SUGCT: variants seen among roughly 807,000 people sequenced by gnomAD.
SUGCT encodes the protein succinyl-CoA:glutarate-CoA transferase.
In SUGCT, 41 loss-of-function variants were observed where a neutral mutation model predicts 55.0. The ratio of observed to expected loss-of-function variants is 0.74; its 90% CI spans 0.58 to 0.97. The LOEUF (loss-of-function observed/expected upper bound fraction) is 0.97, where lower values mean the gene tolerates loss of function less well. Among genes scored for constraint, SUGCT ranks in the 50% least tolerant of loss-of-function variants. The probability of loss-of-function intolerance (pLI) is 0.00; values close to 1 mark genes in which losing one functional copy is unlikely to be tolerated. For missense variants in SUGCT, 568 were observed against 547.8 expected, an observed-to-expected ratio of 1.04 and a Z score of -0.37; for synonymous variants, 187 against 200.4, an observed-to-expected ratio of 0.93 and a Z score of 0.56.
In SUGCT at chr7:40,231,560, G is replaced by T. The variant is rs1584405142; in HGVS notation, c.485-6075G>T. Among the ~76,000 whole-genome samples, 5 of 152,252 alleles carry T rather than the reference G, an allele frequency of 3.3e-5. No individual in the cohort carries two copies. In the South Asian group the frequency reaches 1.0e-3, roughly 32 times the overall value. ...TAGCAAGCCATGTGAAGATTGGAGA[G>T]AAATACATCCTAGGTTGTGCAAAGG... On this transcript the variant is annotated intron_variant, in intron 6 of 13. Coordinates refer to ENST00000335693, the MANE Select transcript of SUGCT (RefSeq NM_001193313.2).
chr7:40,406,672 A>G (rs1786387826), intron 9 of SUGCT, among the ~76,000 whole-genome samples: 1 of 152,190 alleles, frequency 6.6e-6, no homozygotes, highest in African/African-American at 2.4e-5. Context: ...GGTTTGTTCA[A>G]TTGTGAGTTA....
chr7:40,496,918 A>G (rs561540819), intron 12 of SUGCT, among the ~76,000 whole-genome samples: 1 of 148,686 alleles, frequency 6.7e-6, no homozygotes, highest in African/African-American at 2.5e-5. Context: ...TAAATTTTAC[A>G]CAGATAGATA....
At chr7:40,905,324 T>G in the SUGCT span, among the ~76,000 whole-genome samples, 1 of 152,190 alleles carries the variant, frequency 6.6e-6, no homozygotes, top group African/African-American at 2.4e-5. Flanking sequence ...TTCTCTCTTT[T>G]GATTACAACC....
chr7:40,762,364 G>A (rs1788575488), intron 13 of SUGCT, among the ~76,000 whole-genome samples: 1 of 152,192 alleles, frequency 6.6e-6, no homozygotes. Context: ...TAGGTTTTAA[G>A]TAGCAAGATG....
chr7:40,141,360 C>T (rs986308767), intron 1 of SUGCT, among the ~76,000 whole-genome samples: 21 of 151,754 alleles, frequency 1.4e-4, no homozygotes, highest in Admixed American at 7.9e-4. Context: ...TTGGGCCAGG[C>T]GCGGTGGCTC....
intron 11 of SUGCT, among the ~76,000 whole-genome samples, chr7:40,471,003 A>G (rs915686400): frequency 2.0e-5 from 3 of 152,178 alleles, no homozygotes; most frequent in African/African-American, 7.2e-5. Flanking sequence ...AACGGAAACA[A>G]AAAAGGAACA....
chr7:40,524,518 AT>A (rs1793707424), intron 12 of SUGCT, among the ~76,000 whole-genome samples: 1 of 152,160 alleles, frequency 6.6e-6, no homozygotes, highest in South Asian at 2.1e-4. Flanking sequence ...AGAAATGTTA[AT>A]TATTTGTCTC....
intron 13 of SUGCT, among the ~76,000 whole-genome samples, chr7:40,791,268 A>G (rs551202697): frequency 1.9e-4 from 29 of 152,232 alleles, no homozygotes; most frequent in Non-Finnish European, 4.1e-4. Context: ...ATCAGATTTC[A>G]AAAGAACCAT....
At chr7:40,200,590 G>C (rs905954525) in intron 6 of SUGCT, among the ~76,000 whole-genome samples, 1 of 152,120 alleles carries the variant, frequency 6.6e-6, no homozygotes, top group Non-Finnish European at 1.5e-5. Flanking sequence ...AGAGAAAGCC[G>C]AAGTGTTTGG....
At chr7:40,278,292 A>T (rs1792675755) in intron 8 of SUGCT, among the ~76,000 whole-genome samples, 1 of 152,132 alleles carries the variant, frequency 6.6e-6, no homozygotes, top group South Asian at 2.1e-4. Flanking sequence ...GCTGGAGAGG[A>T]TGTGGAGAAA....
chr7:40,426,457 T>G (rs1787594701), intron 9 of SUGCT, among the ~76,000 whole-genome samples: 1 of 152,178 alleles, frequency 6.6e-6, no homozygotes, highest in Non-Finnish European at 1.5e-5. Context: ...TTATTCTCTA[T>G]GTCCTCAAGT....
At chr7:40,510,308 G>T (rs1339382338) in intron 12 of SUGCT, among the ~76,000 whole-genome samples, 1 of 152,036 alleles carries the variant, frequency 6.6e-6, no homozygotes, top group East Asian at 1.9e-4. Context: ...ATAGAGGAAT[G>T]AATGGTTAGC....
At chr7:40,882,223 T>A in the SUGCT span, among the ~76,000 whole-genome samples, 16 of 152,158 alleles carry the variant, frequency 1.1e-4, no homozygotes, top group Admixed American at 4.6e-4. Context: ...AACACTAAAG[T>A]TGAAGTTCTT....
At chr7:40,611,837 A>C (rs1032694131) in intron 12 of SUGCT, among the ~76,000 whole-genome samples, 1 of 152,204 alleles carries the variant, frequency 6.6e-6, no homozygotes, top group African/African-American at 2.4e-5. Flanking sequence ...AGGTTAAAGA[A>C]GTTACCCAGG....
At chr7:40,713,285 T>C (rs746613826) in intron 12 of SUGCT, among the ~76,000 whole-genome samples, 10 of 152,292 alleles carry the variant, frequency 6.6e-5, no homozygotes, top group Non-Finnish European at 1.3e-4. Flanking sequence ...CTTCTTCCAC[T>C]CAGAAAGTCC....
At chr7:40,592,791 A>G (rs1584078444) in intron 12 of SUGCT, among the ~76,000 whole-genome samples, 1 of 152,170 alleles carries the variant, frequency 6.6e-6, no homozygotes, top group Non-Finnish European at 1.5e-5. Flanking sequence ...TTGTTTCCCC[A>G]TGATCAAGGA....
At chr7:40,419,572 T>G (rs1416509003) in intron 9 of SUGCT, among the ~76,000 whole-genome samples, 1 of 152,170 alleles carries the variant, frequency 6.6e-6, no homozygotes, top group Non-Finnish European at 1.5e-5. Context: ...CTCCATATTT[T>G]CTTCTTCTTT....
At chr7:40,638,589 T>A (rs781461799) in intron 12 of SUGCT, among the ~76,000 whole-genome samples, 2 of 152,218 alleles carry the variant, frequency 1.3e-5, no homozygotes, top group Non-Finnish European at 2.9e-5. Flanking sequence ...CTGCTTAGTA[T>A]GAGGAGAAGA....
In SUGCT at chr7:40,860,388, C is replaced by A; in HGVS notation, c.1226C>A (p.Thr409Lys). The A allele has an allele frequency of 6.2e-7, 1 of 1,614,006 alleles. No homozygotes were observed. Among genetic ancestry groups the A allele is most frequent in the Non-Finnish European group, 8.5e-7 (1 of 1,179,872 alleles). Residue 409 changes from threonine to lysine, a missense_variant, in exon 14 of 14, where the codon ACG becomes AAG. Thr to Lys is a moderately conservative substitution (Grantham distance 78). Coordinates refer to ENST00000335693, the MANE Select transcript of SUGCT (RefSeq NM_001193313.2). ...RPPPLLGQHT[T>K]HILKEVLRYD... ...CCCCCGCTGCTCGGGCAGCACACAA[C>A]GCACATCCTGAAGGAGGTCCTGAGA...
Sources: gnomAD v4.1 joint callset for allele counts (sites outside exome capture counted in the v4.1 genomes callset) on GRCh38, gnomAD v4.1.1 for gene constraint, MANE v1.5 for transcripts, NCBI Gene and HGNC (gene_info 2026-07-23, HGNC 2026-07-21) for gene names.